The following CNTN6 variants were observed in gnomAD, a reference collection of about 807,000 sequenced individuals.
The protein encoded by CNTN6 is contactin 6, also known as contactin-6.
A neutral mutation model predicts 122.8 loss-of-function variants in CNTN6; 137 were observed. That is an observed-to-expected ratio of 1.12 (90% CI 0.97 to 1.29). CNTN6 has a LOEUF of 1.29. Among genes scored for constraint, CNTN6 ranks in the 50% most tolerant of loss-of-function variants. The probability of loss-of-function intolerance (pLI) is 0.00; values close to 1 mark genes in which losing one functional copy is unlikely to be tolerated. For synonymous variants in CNTN6, 570 were observed against 426.0 expected (o/e 1.34, Z -4.16); for missense variants, 1,634 against 1,223.4 (o/e 1.34, Z -5.01).
intron 2 of CNTN6, among the ~76,000 whole-genome samples, chr3:1,219,193 A>T (rs565137173): frequency 6.6e-6 from 1 of 152,370 alleles, no homozygotes; most frequent in East Asian, 1.9e-4. Context: ...AAAGAAAAAA[A>T]AGATACTTAC....
chr3:1,141,882 A>G (rs1186229338), intron 1 of CNTN6, among the ~76,000 whole-genome samples: 1 of 152,154 alleles, frequency 6.6e-6, no homozygotes, highest in Non-Finnish European at 1.5e-5. Flanking sequence ...TTACAGAGCT[A>G]TGCATGCACA....
At chr3:1,269,245 C>T (rs4085434) in intron 4 of CNTN6, among the ~76,000 whole-genome samples, 85,318 of 152,006 alleles carry the variant, frequency 0.56, 25,553 homozygotes, top group East Asian at 0.82. Flanking sequence ...AGTGCATGCA[C>T]GGCCAAGCTA....
chr3:1,307,421 T>C (rs1698535603), intron 7 of CNTN6, among the ~76,000 whole-genome samples: 1 of 152,148 alleles, frequency 6.6e-6, no homozygotes, highest in Non-Finnish European at 1.5e-5. Flanking sequence ...TTTTAAAGAA[T>C]AGTTTTAGAA....
At chr3:1,366,294 C>T (rs534617441) in intron 12 of CNTN6, among the ~76,000 whole-genome samples, 3 of 152,178 alleles carry the variant, frequency 2.0e-5, no homozygotes, top group South Asian at 2.1e-4. Context: ...TTTTTACAAA[C>T]GATAGAGTCT....
At chr3:1,248,150 T>C (rs114491167) in intron 4 of CNTN6, among the ~76,000 whole-genome samples, 2,999 of 152,308 alleles carry the variant, frequency 0.02, 82 homozygotes, top group African/African-American at 0.063. Flanking sequence ...CATTCCTTCA[T>C]GTGCTTTTAT....
At chr3:1,107,119 C>T (rs74952218) in intron 1 of CNTN6, among the ~76,000 whole-genome samples, 3 of 152,048 alleles carry the variant, frequency 2.0e-5, no homozygotes, top group African/African-American at 7.2e-5. Flanking sequence ...TCTGGAAACA[C>T]CCTCACAGAC....
chr3:1,383,445 G>C, intron 19 of CNTN6, 37 bp downstream of exon 19: 1 of 1,510,526 alleles, frequency 6.6e-7, no homozygotes, highest in Non-Finnish European at 9.2e-7. Flanking sequence ...TTATGAATGT[G>C]CCAATGGACT....
At chr3:1,325,408 T>C (rs930314646) in intron 8 of CNTN6, among the ~76,000 whole-genome samples, 2 of 151,868 alleles carry the variant, frequency 1.3e-5, no homozygotes, top group African/African-American at 4.8e-5. Context: ...TTTATTACTT[T>C]TAGTTTAGAG....
At chr3:1,292,919 A>G (rs966592911) in intron 5 of CNTN6, among the ~76,000 whole-genome samples, 5 of 152,082 alleles carry the variant, frequency 3.3e-5, no homozygotes, top group Admixed American at 6.5e-5. Flanking sequence ...ACACACACAC[A>G]AAGTTCCCAC....
intron 2 of CNTN6, among the ~76,000 whole-genome samples, chr3:1,174,169 C>A (rs1469577137): frequency 6.6e-6 from 1 of 152,306 alleles, no homozygotes; most frequent in South Asian, 2.1e-4. Context: ...CAGCTTGAGG[C>A]ATTTCTCTGG....
At chr3:1,349,892 G>C (rs997962601) in intron 11 of CNTN6, among the ~76,000 whole-genome samples, 2 of 151,442 alleles carry the variant, frequency 1.3e-5, no homozygotes, top group Non-Finnish European at 3.0e-5. Flanking sequence ...TGTTTGTTAT[G>C]CCATAAAATC....
At chr3:1,169,517 A>G (rs2093321944) in intron 2 of CNTN6, among the ~76,000 whole-genome samples, 2 of 152,228 alleles carry the variant, frequency 1.3e-5, no homozygotes, top group Non-Finnish European at 2.9e-5. Flanking sequence ...CTTCAGCATA[A>G]ACCGTATTTA....
chr3:1,199,175 C>T (rs1186149873), intron 2 of CNTN6, among the ~76,000 whole-genome samples: 2 of 124,178 alleles, frequency 1.6e-5, no homozygotes, highest in African/African-American at 3.2e-5. Context: ...ACAATATATG[C>T]TTTTTTTTTT....
At chr3:1,356,550 AG>A (rs892532835) in intron 12 of CNTN6, among the ~76,000 whole-genome samples, 4 of 151,754 alleles carry the variant, frequency 2.6e-5, no homozygotes, top group Admixed American at 2.6e-4. Context: ...GAAGGATTTG[AG>A]GTATCAAGCT....
intron 4 of CNTN6, among the ~76,000 whole-genome samples, chr3:1,269,244 A>C (rs1313934932): frequency 3.9e-5 from 6 of 152,182 alleles, no homozygotes; most frequent in Non-Finnish European, 8.8e-5. Flanking sequence ...TAGTGCATGC[A>C]CGGCCAAGCT....
chr3:1,380,927 T>C (rs760436436), intron 17 of CNTN6, among the ~76,000 whole-genome samples: 1 of 152,202 alleles, frequency 6.6e-6, no homozygotes, highest in African/African-American at 2.4e-5. Context: ...CTGAACACTG[T>C]CTCCACTTAA....
At chr3:1,348,762 C>G (rs531874504) in intron 11 of CNTN6, among the ~76,000 whole-genome samples, 1 of 151,866 alleles carries the variant, frequency 6.6e-6, no homozygotes, top group Admixed American at 6.6e-5. Flanking sequence ...CTAGTGGGTA[C>G]CTTGAGTCAC....
At chr3:1,196,325 T>A (rs1291216279) in intron 2 of CNTN6, among the ~76,000 whole-genome samples, 1 of 152,216 alleles carries the variant, frequency 6.6e-6, no homozygotes, top group Non-Finnish European at 1.5e-5. Flanking sequence ...AGTAAGGCTC[T>A]TCAGTTGGGG....
intron 20 of CNTN6, among the ~76,000 whole-genome samples, chr3:1,399,047 T>G (rs1695332154): frequency 6.6e-6 from 1 of 152,114 alleles, no homozygotes; most frequent in Admixed American, 6.6e-5. Context: ...TTTCAATGGA[T>G]TTATAGTGTT....
Sources: allele counts gnomAD v4.1 joint callset (sites outside exome capture counted in the v4.1 genomes callset), GRCh38; gene constraint gnomAD v4.1.1; transcripts MANE v1.5; gene names NCBI Gene and HGNC (gene_info 2026-07-23, HGNC 2026-07-21).